Variants in PID1 observed in about 807,000 individuals in gnomAD.
The protein encoded by PID1 is PTB-containing, cubilin and LRP1-interacting protein.
Under a neutral mutation model 19.1 loss-of-function variants are expected in PID1, and 10 were observed. The ratio of observed to expected loss-of-function variants is 0.52; its 90% CI spans 0.32 to 0.89. The LOEUF (loss-of-function observed/expected upper bound fraction) is 0.89, where lower values mean the gene tolerates loss of function less well. Ranked by LOEUF, PID1 falls within the 40% of genes least tolerant of loss-of-function variation. The pLI is 0.03. For missense variants in PID1, 248 were observed against 285.3 expected, an observed-to-expected ratio of 0.87 and a Z score of 0.94; for synonymous variants, 130 against 116.0, an observed-to-expected ratio of 1.12 and a Z score of -0.78.
At chr2:229,030,257 G>A (rs1408342002) in intron 2 of PID1, among the ~76,000 whole-genome samples, 1 of 152,176 alleles carries the variant, frequency 6.6e-6, no homozygotes, top group African/African-American at 2.4e-5. Flanking sequence ...GGGGATTGGG[G>A]GAGGGACGAA....
intron 2 of PID1, among the ~76,000 whole-genome samples, chr2:229,043,295 C>T (rs1693810332): frequency 6.7e-6 from 1 of 148,370 alleles, no homozygotes; most frequent in Non-Finnish European, 1.5e-5. Flanking sequence ...TGTGAGCCAC[C>T]ATGCCTAGCT....
At chr2:229,125,267 A>G (rs1418905660) in intron 2 of PID1, among the ~76,000 whole-genome samples, 1 of 152,190 alleles carries the variant, frequency 6.6e-6, no homozygotes, top group Non-Finnish European at 1.5e-5. Context: ...GTCTCAGAGT[A>G]GAAATGACAT....
chr2:229,024,238 C>T lies in PID1; in HGVS notation c.*1394G>A, dbSNP rs1419636325. ...ACCATCGCTCTCTAGATTGGATTAGCTCTCATTTAAGGCTTCTTAGGTGCC... is the reference window on the plus strand; with the variant it reads ...ACCATCGCTCTCTAGATTGGATTAGTTCTCATTTAAGGCTTCTTAGGTGCC... On this transcript the variant is annotated 3_prime_UTR_variant, in exon 3 of 3. Coordinates refer to ENST00000392055, the MANE Select transcript of PID1 (RefSeq NM_001100818.2). The T allele has an allele frequency of 6.6e-6, 1 of 152,604 alleles. No individual in the cohort carries two copies. Among genetic ancestry groups the T allele is most frequent in the Non-Finnish European group, 1.5e-5 (1 of 68,054 alleles). The allele number at this position is 152,604 out of a possible 1,614,324, so 9.5% of individuals were successfully genotyped here.
intron 2 of PID1, among the ~76,000 whole-genome samples, chr2:229,126,118 G>C (rs548154156): frequency 1.3e-5 from 2 of 152,172 alleles, no homozygotes; most frequent in African/African-American, 2.4e-5. Flanking sequence ...CTCCCAGAAA[G>C]AGCCACACCA....
At chr2:229,113,073 GTTTCAAACAAGA>G (rs1289718573) in intron 2 of PID1, among the ~76,000 whole-genome samples, 4 of 152,088 alleles carry the variant, frequency 2.6e-5, no homozygotes, top group African/African-American at 9.7e-5. Context: ...CTCCTAGAAT[GTTTCAAACAAGA>G]TTGAAGCTAT....
intron 2 of PID1, among the ~76,000 whole-genome samples, chr2:229,042,800 G>A (rs1347253737): frequency 6.6e-6 from 1 of 152,048 alleles, no homozygotes; most frequent in Non-Finnish European, 1.5e-5. Flanking sequence ...TGGAACCACA[G>A]ATTTTCTGCT....
At chr2:229,163,378 T>C (rs1167514548) in intron 1 of PID1, among the ~76,000 whole-genome samples, 6 of 152,198 alleles carry the variant, frequency 3.9e-5, no homozygotes, top group Non-Finnish European at 8.8e-5. Context: ...AAGGCCTACA[T>C]CCAAATCCTT....
In PID1 at chr2:229,236,135, C is replaced by T. The variant is rs534960255; in HGVS notation, c.30+34879G>A. Among the ~76,000 whole-genome samples the T allele has an allele frequency of 1.4e-4, 19 of 137,358 alleles. No individual in the cohort carries two copies. The South Asian group carries it at 2.9e-3, about 21-fold the overall frequency. The allele number at this position is 137,358 out of a possible 152,430, so 90.1% of individuals were successfully genotyped here. A position where few individuals can be genotyped will look rare whatever the true frequency, so the allele number is the denominator to read the frequency against. ...GTCTACCAACGACTTACTCTATGAC[C>T]ATATTAGCAATGGTTTTTGGCTTTT... On this transcript the variant is annotated intron_variant, in intron 1 of 2. Coordinates refer to ENST00000392055, the MANE Select transcript of PID1 (RefSeq NM_001100818.2).
intron 1 of PID1, among the ~76,000 whole-genome samples, chr2:229,242,859 T>C (rs1226996): frequency 0.98 from 149,453 of 152,148 alleles, 73,475 homozygotes; most frequent in East Asian, 1. Flanking sequence ...TCTTTCACTC[T>C]AGTCCTTCTC....
chr2:229,128,161 A>G (rs1366499209), intron 2 of PID1, among the ~76,000 whole-genome samples: 2 of 152,180 alleles, frequency 1.3e-5, no homozygotes, highest in East Asian at 1.9e-4. Context: ...GAGTCCCCCA[A>G]ACTTCAAGTG....
chr2:229,234,371 T>A (rs1232529853), intron 1 of PID1, among the ~76,000 whole-genome samples: 2 of 152,144 alleles, frequency 1.3e-5, no homozygotes, highest in Non-Finnish European at 2.9e-5. Context: ...AGAAGACAAG[T>A]CAGTCTCATA....
At chr2:229,048,358 C>T (rs1298570914) in intron 2 of PID1, among the ~76,000 whole-genome samples, 1 of 152,136 alleles carries the variant, frequency 6.6e-6, no homozygotes, top group Non-Finnish European at 1.5e-5. Flanking sequence ...AAAACATTAA[C>T]AAAATGCTGC....
At chr2:229,214,284 G>A (rs996496652) in intron 1 of PID1, among the ~76,000 whole-genome samples, 1 of 150,480 alleles carries the variant, frequency 6.6e-6, no homozygotes, top group Admixed American at 6.6e-5. Flanking sequence ...ATCTTACTTG[G>A]GGGTATTTTC....
At chr2:229,093,363 A>G (rs915631110) in intron 2 of PID1, among the ~76,000 whole-genome samples, 4 of 151,750 alleles carry the variant, frequency 2.6e-5, no homozygotes, top group South Asian at 2.1e-4. Context: ...GCCTCAAGTG[A>G]TCCACCTACC....
intron 2 of PID1, among the ~76,000 whole-genome samples, chr2:229,061,464 T>A (rs1694210694): frequency 6.6e-6 from 1 of 152,060 alleles, no homozygotes; most frequent in Non-Finnish European, 1.5e-5. Flanking sequence ...CATTAGCCAA[T>A]GTATCTCTTT....
At chr2:229,082,198 C>A (rs943902723) in intron 2 of PID1, among the ~76,000 whole-genome samples, 1 of 152,142 alleles carries the variant, frequency 6.6e-6, no homozygotes, top group Non-Finnish European at 1.5e-5. Context: ...TGGAAGAGGA[C>A]GAGGCTCCAA....
intron 1 of PID1, among the ~76,000 whole-genome samples, chr2:229,260,752 A>G (rs1167542922): frequency 1.3e-5 from 2 of 151,180 alleles, no homozygotes; most frequent in Non-Finnish European, 2.9e-5. Context: ...TTATTTTGTA[A>G]TTTTTTACAA....
In PID1 at chr2:229,089,137, G is replaced by A. The variant is rs188510164; in HGVS notation, c.178-63029C>T. Among the ~76,000 whole-genome samples, 235 of 152,268 alleles carry A rather than the reference G, an allele frequency of 1.5e-3. 2 individuals are homozygous for A. The highest frequency in any genetic ancestry group is 6.8e-3 in the Middle Eastern group (2 of 294). On this transcript the variant is annotated intron_variant, in intron 2 of 2. Transcript: ENST00000392055. ...AAGGAGAGAGAGAGAGTGGAGAAAC[G>A]TCATAGTTGTTCATTCTTTTTTAAC...
chr2:229,151,672 G>A (rs1227043762), intron 2 of PID1, among the ~76,000 whole-genome samples: 1 of 151,472 alleles, frequency 6.6e-6, no homozygotes. Context: ...CCGGGTTCAT[G>A]CCATTCTCCT....
Sources: gnomAD v4.1 joint callset for allele counts (sites outside exome capture counted in the v4.1 genomes callset) on GRCh38, gnomAD v4.1.1 for gene constraint, MANE v1.5 for transcripts, NCBI Gene and HGNC (gene_info 2026-07-23, HGNC 2026-07-21) for gene names.